The following IL1RAPL2 variants were observed in gnomAD, a reference collection of about 807,000 sequenced individuals.
The protein encoded by IL1RAPL2 is X-linked interleukin-1 receptor accessory protein-like 2.
In IL1RAPL2, 3 loss-of-function variants were observed where a neutral mutation model predicts 44.1. The ratio of observed to expected loss-of-function variants is 0.07; its 90% CI spans 0.03 to 0.18. The LOEUF (loss-of-function observed/expected upper bound fraction) is 0.18, where lower values mean the gene tolerates loss of function less well. IL1RAPL2 is among the 10% of genes least tolerant of loss of function. IL1RAPL2 has a pLI of 1.00. For missense variants in IL1RAPL2, 391 were observed against 496.4 expected, an observed-to-expected ratio of 0.79 and a Z score of 2.02; for synonymous variants, 181 against 178.8, an observed-to-expected ratio of 1.01 and a Z score of -0.10.
chrX:104,609,183 A>G (rs1327488418), intron 1 of IL1RAPL2, among the ~76,000 whole-genome samples: 1 of 111,368 alleles, frequency 9.0e-6, no homozygotes, highest in African/African-American at 3.3e-5. Context: ...ATTGGCCCCC[A>G]CTCTCTTCTG....
chrX:105,544,371 AT>A (rs1443546745), intron 6 of IL1RAPL2, among the ~76,000 whole-genome samples: 5 of 110,879 alleles, frequency 4.5e-5, no homozygotes, highest in African/African-American at 1.6e-4. Flanking sequence ...TTCCTTTTCA[AT>A]CTGAATGTCT....
rs369946495 is a variant in IL1RAPL2, at chrX:105,076,848, C to T, written c.83-118627C>T. ...TTGTTGGTTTAAAGTCTGTTTTATC[C>T]GAGACTAGGATTGCAACCCCTGCCT... is the stretch of plus-strand genomic sequence containing the variant. On this transcript the variant is annotated intron_variant, in intron 2 of 10. Coordinates refer to ENST00000372582, the MANE Select transcript of IL1RAPL2 (RefSeq NM_017416.2). 1.8e-4 allele frequency among the ~76,000 whole-genome samples: 20 copies of T among 110,436 alleles called. No homozygotes were observed. In the South Asian group the frequency reaches 5.0e-3, roughly 28 times the overall value.
intron 2 of IL1RAPL2, among the ~76,000 whole-genome samples, chrX:105,079,046 C>G (rs1007037747): frequency 8.9e-6 from 1 of 112,220 alleles, no homozygotes; most frequent in African/African-American, 3.2e-5. Context: ...ATCCTGCACC[C>G]ACTGTCCAGC....
At chrX:105,116,868 G>A (rs2032867904) in intron 2 of IL1RAPL2, among the ~76,000 whole-genome samples, 1 of 111,972 alleles carries the variant, frequency 8.9e-6, no homozygotes, top group Middle Eastern at 4.2e-3. Context: ...CCAATTTAAT[G>A]TTGCTGACAA....
intron 2 of IL1RAPL2, among the ~76,000 whole-genome samples, chrX:104,676,387 G>T (rs1930758065): frequency 1.8e-5 from 2 of 110,637 alleles, no homozygotes; most frequent in Non-Finnish European, 1.9e-5. Flanking sequence ...ATGAAATTCT[G>T]GGTTGAAAAT....
intron 2 of IL1RAPL2, among the ~76,000 whole-genome samples, chrX:105,182,384 ATGACCTTCTT>A (rs2033540492): frequency 1.8e-5 from 2 of 111,810 alleles, no homozygotes; most frequent in Admixed American, 9.5e-5. Context: ...TCATTTTATA[ATGACCTTCTT>A]TATCTCTTTT....
At chrX:104,784,204 C>A in intron 2 of IL1RAPL2, among the ~76,000 whole-genome samples, 1 of 112,141 alleles carries the variant, frequency 8.9e-6, no homozygotes, top group East Asian at 2.8e-4. Flanking sequence ...GATTGTATTT[C>A]AAAGGAAGTG....
chrX:104,836,767 AG>A (rs1224583947), intron 2 of IL1RAPL2, among the ~76,000 whole-genome samples: 1 of 111,009 alleles, frequency 9.0e-6, no homozygotes, highest in Non-Finnish European at 1.9e-5. Context: ...ACACGTGCAA[AG>A]TGTGCAGGTT....
intron 2 of IL1RAPL2, among the ~76,000 whole-genome samples, chrX:104,746,057 A>G (rs1220688604): frequency 1.8e-5 from 2 of 111,919 alleles, no homozygotes; most frequent in Non-Finnish European, 3.8e-5. Flanking sequence ...CAAGTTTGTA[A>G]ATGAAAGGCT....
intron 2 of IL1RAPL2, among the ~76,000 whole-genome samples, chrX:104,924,371 C>A (rs981280567): frequency 1.8e-5 from 2 of 111,828 alleles, no homozygotes; most frequent in Non-Finnish European, 3.8e-5. Context: ...ATTTACAGAA[C>A]ATTCTACCCA....
chrX:105,380,918 A>G (rs772814025), intron 5 of IL1RAPL2, among the ~76,000 whole-genome samples: 7 of 111,188 alleles, frequency 6.3e-5, no homozygotes, highest in Non-Finnish European at 1.1e-4. Context: ...TGCAGAGGTA[A>G]TAGGGGGATG....
At chrX:105,005,779 A>G (rs1241159370) in intron 2 of IL1RAPL2, among the ~76,000 whole-genome samples, 1 of 110,901 alleles carries the variant, frequency 9.0e-6, no homozygotes, top group Non-Finnish European at 1.9e-5. Context: ...AAAATTATAC[A>G]AACTTAAATA....
intron 6 of IL1RAPL2, among the ~76,000 whole-genome samples, chrX:105,567,591 C>A (rs1182016221): frequency 1.8e-5 from 2 of 111,583 alleles, no homozygotes; most frequent in Non-Finnish European, 3.8e-5. Flanking sequence ...ATGAGTCATC[C>A]ATTTTCCCTT....
intron 2 of IL1RAPL2, among the ~76,000 whole-genome samples, chrX:105,077,136 C>T (rs1486618638): frequency 1.3e-4 from 14 of 111,430 alleles, no homozygotes; most frequent in African/African-American, 4.3e-4. Flanking sequence ...TTCCTCCTAG[C>T]CTTGATGGTC....
At chrX:104,890,700 C>A (rs1371486033) in intron 2 of IL1RAPL2, among the ~76,000 whole-genome samples, 1 of 111,474 alleles carries the variant, frequency 9.0e-6, no homozygotes, top group Non-Finnish European at 1.9e-5. Context: ...GGATATTAGC[C>A]CTTTGTCAGA....
At chrX:104,726,452 A>G (rs745905147) in intron 2 of IL1RAPL2, among the ~76,000 whole-genome samples, 5 of 111,647 alleles carry the variant, frequency 4.5e-5, no homozygotes, top group Admixed American at 9.5e-5. Flanking sequence ...ATAGCATTGA[A>G]TCTATAAATT....
chrX:104,676,900 G>T (rs1028816281), intron 2 of IL1RAPL2, among the ~76,000 whole-genome samples: 16 of 111,538 alleles, frequency 1.4e-4, no homozygotes, highest in East Asian at 5.6e-4. Context: ...ATCGGCTCTT[G>T]AGGCTTCTGC....
intron 2 of IL1RAPL2, among the ~76,000 whole-genome samples, chrX:104,893,971 G>A (rs1923552387): frequency 9.0e-6 from 1 of 111,277 alleles, no homozygotes; most frequent in Admixed American, 9.6e-5. Flanking sequence ...AGCTCTTTTA[G>A]GGCAGGTCTA....
intron 5 of IL1RAPL2, among the ~76,000 whole-genome samples, chrX:105,348,970 T>C (rs905793860): frequency 8.9e-6 from 1 of 112,140 alleles, no homozygotes; most frequent in Non-Finnish European, 1.9e-5. Context: ...GATTTAAGAC[T>C]GTGAGGGTCA....
Sources: gnomAD v4.1 joint callset for allele counts (sites outside exome capture counted in the v4.1 genomes callset) on GRCh38, gnomAD v4.1.1 for gene constraint, MANE v1.5 for transcripts, NCBI Gene and HGNC (gene_info 2026-07-23, HGNC 2026-07-21) for gene names.